GNB5: variants seen among roughly 807,000 people sequenced by gnomAD.
GNB5 encodes the protein guanine nucleotide-binding protein subunit beta-5.
In GNB5, 37 loss-of-function variants were observed where a neutral mutation model predicts 55.3. That is an observed-to-expected ratio of 0.67 (90% CI 0.51 to 0.88). The LOEUF is 0.88. GNB5 is among the 40% of genes least tolerant of loss of function. GNB5 has a pLI of 0.00. For synonymous variants in GNB5, 219 were observed against 198.5 expected (o/e 1.10, Z -0.87); for missense variants, 476 against 515.3 (o/e 0.92, Z 0.74).
At chr15:52,138,087 CTCTTA>C (rs2033767565) in intron 7 of GNB5, 6 of 579,556 alleles carry the variant, frequency 1.0e-5, no homozygotes, top group Middle Eastern at 5.9e-4. Context: ...CTTCCCCTCT[CTCTTA>C]TATGTTAGGC....
intron 3 of GNB5, among the ~76,000 whole-genome samples, chr15:52,159,378 C>T (rs908006690): frequency 1.3e-5 from 2 of 152,146 alleles, no homozygotes; most frequent in Admixed American, 6.5e-5. Context: ...CCCTCTCCAG[C>T]GGACACACCA....
chr15:52,146,859 A>G (rs2141207390), intron 6 of GNB5, among the ~76,000 whole-genome samples: 1 of 151,476 alleles, frequency 6.6e-6, no homozygotes, highest in Admixed American at 6.6e-5. Flanking sequence ...CTGGGATTAC[A>G]GGCAAGAGTC....
chr15:52,118,997 T>G lies in GNB5; in HGVS notation c.*3760A>C, dbSNP rs1393899269. On this transcript the variant is annotated 3_prime_UTR_variant, in exon 13 of 13. Transcript: ENST00000261837. ...TATATGAGTGGGGGCTGCCTATGGA[T>G]GGGGAGGAGATGGGGAGAAAAGAAA... is the stretch of plus-strand genomic sequence containing the variant. 3 of 92,722 alleles carry G rather than the reference T, an allele frequency of 3.2e-5. No individual in the cohort carries two copies. Among genetic ancestry groups the G allele is most frequent in the Admixed American group, 2.6e-4 (2 of 7,598 alleles). The allele number at this position is 92,722 out of a possible 1,614,324, so 5.7% of individuals were successfully genotyped here.
At chr15:52,177,764 A>G (rs555335854) in intron 3 of GNB5, among the ~76,000 whole-genome samples, 81 of 152,268 alleles carry the variant, frequency 5.3e-4, no homozygotes, top group Admixed American at 2.7e-3. Context: ...TTCAAGAAGC[A>G]AAGGCTTTAT....
intron 3 of GNB5, among the ~76,000 whole-genome samples, chr15:52,161,747 A>T (rs1027710333): frequency 6.6e-6 from 1 of 152,242 alleles, no homozygotes; most frequent in Middle Eastern, 3.2e-3. Flanking sequence ...TGAATGACTC[A>T]ACAAGCAAGG....
intron 4 of GNB5, among the ~76,000 whole-genome samples, chr15:52,151,860 C>T (rs755839535): frequency 1.8e-4 from 27 of 151,928 alleles, no homozygotes; most frequent in Non-Finnish European, 3.5e-4. Flanking sequence ...AATCTCAGTG[C>T]TTTCAGAGGC....
At chr15:52,156,337 T>C (rs2034207404) in intron 3 of GNB5, among the ~76,000 whole-genome samples, 1 of 152,226 alleles carries the variant, frequency 6.6e-6, no homozygotes, top group East Asian at 1.9e-4. Flanking sequence ...TGTTTCTCCA[T>C]GGAACTAAAA....
rs561492196 is a variant in GNB5 at position 52,121,525 on chromosome 15, T to C, written c.*1232A>G. 10 of 152,302 alleles carry C rather than the reference T, an allele frequency of 6.6e-5. No individual in the cohort carries two copies. Among genetic ancestry groups the C allele is most frequent in the Admixed American group, 3.3e-4 (5 of 15,288 alleles). 9.4% of individuals were successfully genotyped at this position (152,302 alleles called of 1,614,324 possible). On this transcript the variant is annotated 3_prime_UTR_variant, in exon 13 of 13. Transcript: ENST00000261837. ...ATCTTCTTTTAATATCGTTTTTCTA[T>C]GTAAGAGGAGCAGACGTTATTATTC...
chr15:52,179,221 C>A (rs2034711508), intron 3 of GNB5, among the ~76,000 whole-genome samples: 1 of 152,158 alleles, frequency 6.6e-6, no homozygotes, highest in African/African-American at 2.4e-5. Flanking sequence ...CTCCGTTTCC[C>A]TTCTCTCTCC....
intron 3 of GNB5, among the ~76,000 whole-genome samples, chr15:52,177,262 T>C (rs1382083766): frequency 1.3e-5 from 2 of 151,762 alleles, no homozygotes; most frequent in African/African-American, 4.8e-5. Flanking sequence ...CTCAATCTCC[T>C]GACCTCATGA....
At chr15:52,172,286 A>G (rs1289254145) in intron 3 of GNB5, among the ~76,000 whole-genome samples, 6 of 151,894 alleles carry the variant, frequency 4.0e-5, no homozygotes, top group Admixed American at 1.3e-4. Context: ...GGTACACACC[A>G]TCATGCCTGG....
At chr15:52,183,683 G>T (rs570504181) in intron 2 of GNB5, among the ~76,000 whole-genome samples, 1 of 152,130 alleles carries the variant, frequency 6.6e-6, no homozygotes, top group East Asian at 1.9e-4. Context: ...TTTTGTTGTT[G>T]TTTTTTTAAA....
chr15:52,143,210 C>A (rs2033897341), intron 6 of GNB5, among the ~76,000 whole-genome samples: 1 of 151,676 alleles, frequency 6.6e-6, no homozygotes, highest in Non-Finnish European at 1.5e-5. Flanking sequence ...TGCACTTAGG[C>A]TATGGTAAGG....
At chr15:52,154,287 TTC>T (rs2034162450) in intron 3 of GNB5, among the ~76,000 whole-genome samples, 1 of 152,228 alleles carries the variant, frequency 6.6e-6, no homozygotes, top group African/African-American at 2.4e-5. Context: ...AATACTGCCA[TTC>T]TCTCTTTGTG....
intron 3 of GNB5, among the ~76,000 whole-genome samples, chr15:52,177,949 CAA>C (rs971092211): frequency 6.6e-6 from 1 of 151,860 alleles, no homozygotes; most frequent in Non-Finnish European, 1.5e-5. Context: ...CTTGGCAGGA[CAA>C]AAAAAAGTTT....
At chr15:52,135,551 C>G (rs1472460847) in intron 8 of GNB5, 62 bp downstream of exon 8, 1 of 1,430,704 alleles carries the variant, frequency 7.0e-7, no homozygotes, top group African/African-American at 1.4e-5. Context: ...TGGACAAGAA[C>G]TGCCACCATA....
intron 11 of GNB5, 45 bp downstream of exon 11, chr15:52,125,903 T>C: frequency 2.5e-6 from 2 of 791,338 alleles, no homozygotes; most frequent in Non-Finnish European, 4.4e-6. Flanking sequence ...TTCATTCTGG[T>C]CCTGTCTTAC....
At chr15:52,172,435 T>A (rs2034571859) in intron 3 of GNB5, among the ~76,000 whole-genome samples, 1 of 152,110 alleles carries the variant, frequency 6.6e-6, no homozygotes, top group Admixed American at 6.6e-5. Flanking sequence ...GGCCTCCTTT[T>A]ATTCTTGATC....
chr15:52,117,563 C>T lies in GNB5; in HGVS notation c.*5194G>A, dbSNP rs1237940919. ...TTTCATTTCTTTCACTGGGGTTGGCCCTGTGGCAGCCCACGGGAGGCCAGA... is the reference window on the plus strand; with the variant it reads ...TTTCATTTCTTTCACTGGGGTTGGCTCTGTGGCAGCCCACGGGAGGCCAGA... On this transcript the variant is annotated 3_prime_UTR_variant, in exon 13 of 13. Coordinates refer to ENST00000261837, the MANE Select transcript of GNB5 (RefSeq NM_016194.4). 1 of 152,246 alleles carries T rather than the reference C, an allele frequency of 6.6e-6. No homozygotes were observed. Among genetic ancestry groups the T allele is most frequent in the Non-Finnish European group, 1.5e-5 (1 of 68,072 alleles). The allele number at this position is 152,246 out of a possible 1,614,324, so 9.4% of individuals were successfully genotyped here.
Sources: allele counts gnomAD v4.1 joint callset (sites outside exome capture counted in the v4.1 genomes callset), GRCh38; gene constraint gnomAD v4.1.1; transcripts MANE v1.5; gene names NCBI Gene and HGNC (gene_info 2026-07-23, HGNC 2026-07-21).